Variants in LATS1 observed in about 807,000 individuals in gnomAD.
The protein encoded by LATS1 is serine/threonine-protein kinase LATS1.
LATS1 carries 25 observed loss-of-function variants against 106.6 expected under a neutral mutation model. That is an observed-to-expected ratio of 0.23 (90% CI 0.17 to 0.33). LATS1 has a LOEUF of 0.33. Ranked by LOEUF, LATS1 falls within the 10% of genes least tolerant of loss-of-function variation. The probability of loss-of-function intolerance (pLI) is 1.00; values close to 1 mark genes in which losing one functional copy is unlikely to be tolerated. For missense variants in LATS1, 1,040 were observed against 1,382.6 expected (o/e 0.75, Z 3.93); for synonymous variants, 465 against 455.6 (o/e 1.02, Z -0.26).
intron 7 of LATS1, among the ~76,000 whole-genome samples, chr6:149,668,982 G>A (rs968835745): frequency 2.0e-5 from 3 of 151,924 alleles, no homozygotes; most frequent in Middle Eastern, 3.4e-3. Flanking sequence ...CAGCATGCTA[G>A]GCTAATTAAA....
At chr6:149,710,752 A>G (rs768538621) in intron 1 of LATS1, among the ~76,000 whole-genome samples, 4 of 152,238 alleles carry the variant, frequency 2.6e-5, no homozygotes, top group Non-Finnish European at 5.9e-5. Context: ...CAGTGAACAT[A>G]CAAAGAGGCT....
chr6:149,693,693 A>G (rs556708615), intron 3 of LATS1, among the ~76,000 whole-genome samples: 1 of 152,348 alleles, frequency 6.6e-6, no homozygotes, highest in South Asian at 2.1e-4. Flanking sequence ...ATGCAAATGT[A>G]AAATAAGATG....
Position 149,661,516 on chromosome 6 carries a change from CCTTAT to C in LATS1, c.*208_*212del. On this transcript the variant is annotated 3_prime_UTR_variant, in exon 8 of 8. Coordinates refer to ENST00000543571, the MANE Select transcript of LATS1 (RefSeq NM_004690.4). ...TAATATTCAGTTCATAATTTACTTT[CCTTAT>C]AACAATTTTTTTCTAAATACTGATT... is the stretch of plus-strand genomic sequence containing the variant. 1 of 440,902 alleles carries C rather than the reference CCTTAT, an allele frequency of 2.3e-6. No homozygotes were observed. 27.3% of individuals were successfully genotyped at this position (440,902 alleles called of 1,614,324 possible).
At chr6:149,694,630 A>C (rs900393262) in intron 3 of LATS1, among the ~76,000 whole-genome samples, 4 of 152,216 alleles carry the variant, frequency 2.6e-5, no homozygotes, top group African/African-American at 9.6e-5. Flanking sequence ...AGATAAACCT[A>C]TTCTGGTTTC....
intron 2 of LATS1, among the ~76,000 whole-genome samples, chr6:149,700,585 GAT>G (rs925617886): frequency 6.6e-6 from 1 of 151,698 alleles, no homozygotes; most frequent in Non-Finnish European, 1.5e-5. Context: ...ATTAAATACA[GAT>G]ATATATGGAA....
intron 7 of LATS1, among the ~76,000 whole-genome samples, chr6:149,670,900 TCTGTGGTAGAGGG>T (rs1276591132): frequency 6.6e-6 from 1 of 151,976 alleles, no homozygotes; most frequent in Non-Finnish European, 1.5e-5. Flanking sequence ...TTGACTGTTA[TCTGTGGTAGAGGG>T]AAAGTTCTTA....
intron 1 of LATS1, among the ~76,000 whole-genome samples, chr6:149,716,036 T>C (rs1219140856): frequency 6.6e-6 from 1 of 151,836 alleles, no homozygotes; most frequent in Non-Finnish European, 1.5e-5. Flanking sequence ...TGCCTGGGTA[T>C]GACAGATCGC....
intron 5 of LATS1, among the ~76,000 whole-genome samples, chr6:149,678,052 G>A (rs901814194): frequency 1.0e-4 from 14 of 140,610 alleles, no homozygotes; most frequent in African/African-American, 3.2e-4. Flanking sequence ...GGGCGTGGTC[G>A]CTCACGCCTG....
chr6:149,714,154 T>C (rs1295620297), intron 1 of LATS1, among the ~76,000 whole-genome samples: 2 of 151,982 alleles, frequency 1.3e-5, no homozygotes, highest in Admixed American at 6.6e-5. Flanking sequence ...GTATTTTTAG[T>C]AGAGACAGGG....
Position 149,661,719 on chromosome 6 carries a change from T to G in LATS1, c.*10A>C. 1 of 1,526,988 alleles carries G rather than the reference T, an allele frequency of 6.5e-7. No homozygotes were observed. The highest frequency in any genetic ancestry group is 8.8e-7 in the Non-Finnish European group (1 of 1,140,884). 94.6% of individuals were successfully genotyped at this position (1,526,988 alleles called of 1,614,324 possible). On this transcript the variant is annotated 3_prime_UTR_variant, in exon 8 of 8. Transcript: ENST00000543571. ...TTTACAAATCCTCATTACATTTATT[T>G]ACTAGTGTGTTAAACATATACTAGA...
At position 149,662,332 on chromosome 6, in the gene LATS1, T is replaced by C. The variant is rs1047013400; in HGVS notation, c.2884-94A>G. On this transcript the variant is annotated intron_variant, in intron 7 of 7. Coordinates refer to ENST00000543571, the MANE Select transcript of LATS1 (RefSeq NM_004690.4). ...TACCAAAAGTCTCACTGGGCTATTT[T>C]TGTATTTTAAATAAATTACATGATA... 1.5e-5 allele frequency: 16 copies of C among 1,084,362 alleles called. No individual in the cohort carries two copies. The Middle Eastern group carries it at 1.2e-3, about 80-fold the overall frequency. The allele number at this position is 1,084,362 out of a possible 1,614,324, so 67.2% of individuals were successfully genotyped here.
Position 149,683,969 on chromosome 6 carries a change from G to A in LATS1, c.1120C>T (p.Pro374Ser). ...TTAGCTGCTGTCAGAGGATATGGAGGTGGTGGCTGCCGATTCACAGTGCCA... is the reference window on the plus strand; with the variant it reads ...TTAGCTGCTGTCAGAGGATATGGAGATGGTGGCTGCCGATTCACAGTGCCA... Reference protein sequence around the residue: ...PAGTVNRQPPPPYPLTAANGQ... With the variant: ...PAGTVNRQPPSPYPLTAANGQ... The change falls in exon 4 of 8, where the codon CCT (proline) becomes TCT (serine). Residue 374 changes from proline (P) to serine (S), a missense_variant. Pro to Ser is a moderately conservative substitution (Grantham distance 74). Coordinates refer to ENST00000543571, the MANE Select transcript of LATS1 (RefSeq NM_004690.4). 1 of 1,614,234 alleles carries A rather than the reference G, an allele frequency of 6.2e-7. No homozygotes were observed. The highest frequency in any genetic ancestry group is 1.3e-5 in the African/African-American group (1 of 75,058).
intron 3 of LATS1, among the ~76,000 whole-genome samples, chr6:149,687,421 C>CA (rs1259207529): frequency 2.0e-5 from 3 of 151,752 alleles, no homozygotes; most frequent in Non-Finnish European, 2.9e-5. Flanking sequence ...CCTACTTTAT[C>CA]AGTCCTCCTT....
Position 149,659,304 on chromosome 6 carries a change from C to A in LATS1, c.*2425G>T, listed in dbSNP as rs1441574169. ...GCAACATGGCGAAACCCCATCTCTA[C>A]TAAAGATACAAAAATTAGCTGGGCT... is the stretch of plus-strand genomic sequence containing the variant. On this transcript the variant is annotated 3_prime_UTR_variant, in exon 8 of 8. Coordinates refer to ENST00000543571, the MANE Select transcript of LATS1 (RefSeq NM_004690.4). The A allele has an allele frequency of 1.6e-5, 3 of 186,352 alleles. No homozygotes were observed. The highest frequency in any genetic ancestry group is 7.1e-5 in the African/African-American group (3 of 42,402). The allele number at this position is 186,352 out of a possible 1,614,324, so 11.5% of individuals were successfully genotyped here. A position where few individuals can be genotyped will look rare whatever the true frequency, so the allele number is the denominator to read the frequency against.
In LATS1 at chr6:149,679,966, A is replaced by G. The variant is rs779237536; in HGVS notation, c.2502T>C (p.Ile834=). 11 of 1,614,004 alleles carry G rather than the reference A, an allele frequency of 6.8e-6. No homozygotes were observed. Among genetic ancestry groups the G allele is most frequent in the African/African-American group, 1.3e-5 (1 of 74,934 alleles). ...TAATATGACCATCACGATCAATCAA[A>G]ATATTATCAGGTTTAATATCTCTAT... ...FIHRDIKPDN[I]LIDRDGHIKL... is the part of the protein sequence containing the mutation. The change falls in exon 5 of 8, where the codon ATT becomes ATC. Residue 834 remains isoleucine (I), a synonymous_variant. Transcript: ENST00000543571.
intron 1 of LATS1, among the ~76,000 whole-genome samples, chr6:149,703,625 A>T (rs1171162470): frequency 6.6e-6 from 1 of 152,168 alleles, no homozygotes; most frequent in Admixed American, 6.6e-5. Flanking sequence ...AACACTTGGG[A>T]GGCCAAGAAG....
rs781771373 is a variant in LATS1, at chr6:149,683,162, TAAAG to T, written c.1923_1926del (p.Phe641LeufsTer6). On this transcript the variant is annotated frameshift_variant, in exon 4 of 8. Transcript: ENST00000543571. LOFTEE classifies it high-confidence loss of function. ...AGTACATTTTCTACATGTTGCTCCA[TAAAG>T]AATTTAAATGCTTGAGGAGAATAAC... The T allele has an allele frequency of 1.2e-6, 2 of 1,613,680 alleles. No individual in the cohort carries two copies. The highest frequency in any genetic ancestry group is 1.7e-6 in the Non-Finnish European group (2 of 1,179,622).
At chr6:149,680,894 C>A (rs890171011) in intron 4 of LATS1, among the ~76,000 whole-genome samples, 3 of 152,010 alleles carry the variant, frequency 2.0e-5, no homozygotes, top group Non-Finnish European at 4.4e-5. Context: ...AAAAAAAATT[C>A]TTCCACTCCA....
rs1363464402 is a variant in LATS1, at chr6:149,684,391, C to T, written c.698G>A (p.Arg233Lys). Reference sequence around the variant, plus strand: ...TTGAGGTGGTGGTGGGGGGTTCACTCTCTGTCCGTTGCTAGGGTGAGCTTG... The same window carrying T: ...TTGAGGTGGTGGTGGGGGGTTCACTTTCTGTCCGTTGCTAGGGTGAGCTTG... ...FVQAHPSNGQRVNPPPPPQVR... is the reference protein window; with the variant it reads ...FVQAHPSNGQKVNPPPPPQVR... Residue 233 changes from arginine (R) to lysine (K), a missense_variant, in exon 4 of 8, where the codon AGA becomes AAA. By Grantham distance (26) the Arg-to-Lys change is conservative. Coordinates refer to ENST00000543571, the MANE Select transcript of LATS1 (RefSeq NM_004690.4). 1.2e-6 allele frequency: 2 copies of T among 1,614,068 alleles called. No individual in the cohort carries two copies. Among genetic ancestry groups the T allele is most frequent in the South Asian group, 1.1e-5 (1 of 91,080 alleles).
Sources: allele counts gnomAD v4.1 joint callset (sites outside exome capture counted in the v4.1 genomes callset), GRCh38; gene constraint gnomAD v4.1.1; transcripts MANE v1.5; gene names NCBI Gene and HGNC (gene_info 2026-07-23, HGNC 2026-07-21).